The following PCDH15 variants were observed in gnomAD, a reference collection of about 807,000 sequenced individuals.
PCDH15 encodes protocadherin related 15.
A neutral mutation model predicts 178.5 loss-of-function variants in PCDH15; 129 were observed. The ratio of observed to expected loss-of-function variants is 0.72; its 90% CI spans 0.63 to 0.84. The LOEUF (loss-of-function observed/expected upper bound fraction) is 0.84. Among genes scored for constraint, PCDH15 ranks in the 40% least tolerant of loss-of-function variants. PCDH15 has a pLI of 0.00. For synonymous variants in PCDH15, 800 were observed against 732.0 expected, an observed-to-expected ratio of 1.09 and a Z score of -1.50; for missense variants, 2,230 against 2,099.9, an observed-to-expected ratio of 1.06 and a Z score of -1.21.
chr10:54,868,050 T>A (rs1004989104), intron 3 of PCDH15, among the ~76,000 whole-genome samples: 1 of 152,204 alleles, frequency 6.6e-6, no homozygotes, highest in African/African-American at 2.4e-5. Flanking sequence ...TGTACACTTA[T>A]ATAAAAACAT....
At chr10:54,429,801 T>C (rs1956749175) in intron 3 of PCDH15, among the ~76,000 whole-genome samples, 1 of 152,130 alleles carries the variant, frequency 6.6e-6, no homozygotes, top group South Asian at 2.1e-4. Context: ...ATTGTAAATA[T>C]ATGTGTACCC....
intron 2 of PCDH15, among the ~76,000 whole-genome samples, chr10:54,930,440 A>T (rs1837744291): frequency 6.6e-6 from 1 of 151,976 alleles, no homozygotes; most frequent in Non-Finnish European, 1.5e-5. Flanking sequence ...TCCTAAACCC[A>T]CTTATTGTGT....
chr10:55,422,607 A>G (rs932515686), intron 2 of PCDH15, among the ~76,000 whole-genome samples: 1 of 151,880 alleles, frequency 6.6e-6, no homozygotes, highest in African/African-American at 2.4e-5. Context: ...TTAAGTTGTT[A>G]TTAGCAGTTT....
At chr10:55,492,497 G>C (rs916861132) in intron 2 of PCDH15, among the ~76,000 whole-genome samples, 1 of 151,704 alleles carries the variant, frequency 6.6e-6, no homozygotes, top group Non-Finnish European at 1.5e-5. Flanking sequence ...ACACAACACA[G>C]GGTAAACAGA....
chr10:53,888,664 G>GAGATAT (rs71461211), intron 26 of PCDH15, among the ~76,000 whole-genome samples: 1 of 16,986 alleles, frequency 5.9e-5, no homozygotes, highest in Non-Finnish European at 2.4e-4. Context: ...AGTTAAGTTT[G>GAGATAT]ATATATATAT....
At chr10:55,627,368 A>G (rs1306182603) in intron 2 of PCDH15, among the ~76,000 whole-genome samples, 1 of 152,170 alleles carries the variant, frequency 6.6e-6, no homozygotes, top group Non-Finnish European at 1.5e-5. Flanking sequence ...AAAATCTGCA[A>G]GGTATCAACT....
At chr10:54,331,407 G>A (rs537605848) in intron 6 of PCDH15, among the ~76,000 whole-genome samples, 3 of 151,964 alleles carry the variant, frequency 2.0e-5, no homozygotes, top group African/African-American at 7.2e-5. Context: ...GTTCTTGGAT[G>A]CAGTCATTTA....
intron 25 of PCDH15, among the ~76,000 whole-genome samples, chr10:53,907,720 T>A (rs1477863710): frequency 2.0e-5 from 3 of 152,142 alleles, no homozygotes; most frequent in Admixed American, 6.5e-5. Context: ...TGCAATGTTT[T>A]AAAGAAAGAG....
intron 3 of PCDH15, among the ~76,000 whole-genome samples, chr10:54,430,222 A>G (rs1478618855): frequency 2.6e-5 from 4 of 151,624 alleles, no homozygotes; most frequent in Non-Finnish European, 5.9e-5. Flanking sequence ...TGCCCAACTA[A>G]TTTTTGTATT....
chr10:55,500,768 T>C (rs895764539), intron 2 of PCDH15, among the ~76,000 whole-genome samples: 1 of 151,818 alleles, frequency 6.6e-6, no homozygotes, highest in African/African-American at 2.4e-5. Flanking sequence ...TGAGTGCATA[T>C]AAAGTTAGAA....
At chr10:55,232,518 A>G (rs1232655499) in intron 1 of PCDH15, among the ~76,000 whole-genome samples, 1 of 152,134 alleles carries the variant, frequency 6.6e-6, no homozygotes, top group Non-Finnish European at 1.5e-5. Flanking sequence ...TGGAACTTAC[A>G]TCTTTGTACA....
At chr10:55,270,546 A>G (rs1029795596) in intron 1 of PCDH15, among the ~76,000 whole-genome samples, 2 of 152,180 alleles carry the variant, frequency 1.3e-5, no homozygotes, top group Non-Finnish European at 2.9e-5. Context: ...AAAAATGTCC[A>G]CCATCACTAA....
intron 2 of PCDH15, among the ~76,000 whole-genome samples, chr10:55,617,991 C>G (rs1843513195): frequency 6.6e-6 from 1 of 151,956 alleles, no homozygotes; most frequent in Admixed American, 6.6e-5. Context: ...AAATGTAATT[C>G]TAATGAAATC....
At chr10:53,954,531 G>A (rs1220954119) in intron 23 of PCDH15, among the ~76,000 whole-genome samples, 1 of 152,150 alleles carries the variant, frequency 6.6e-6, no homozygotes, top group Non-Finnish European at 1.5e-5. Context: ...CTAGTTTTCA[G>A]CTCATAACTC....
chr10:55,071,605 G>C (rs1050651690), intron 2 of PCDH15, among the ~76,000 whole-genome samples: 1 of 152,014 alleles, frequency 6.6e-6, no homozygotes, highest in Admixed American at 6.6e-5. Context: ...AGCAAGTCCT[G>C]AGTGACCAAC....
At chr10:54,885,242 A>C (rs975500735) in intron 3 of PCDH15, among the ~76,000 whole-genome samples, 5 of 152,094 alleles carry the variant, frequency 3.3e-5, no homozygotes, top group Non-Finnish European at 5.9e-5. Flanking sequence ...GAAAAATTTC[A>C]TATTTGCAAG....
intron 2 of PCDH15, among the ~76,000 whole-genome samples, chr10:55,146,666 A>G (rs561964720): frequency 6.6e-6 from 1 of 152,062 alleles, no homozygotes; most frequent in Admixed American, 6.6e-5. Flanking sequence ...TAATACAGTT[A>G]AAAGTTTACT....
intron 2 of PCDH15, among the ~76,000 whole-genome samples, chr10:55,504,263 C>T (rs1840715552): frequency 6.6e-6 from 1 of 151,274 alleles, no homozygotes; most frequent in South Asian, 2.1e-4. Flanking sequence ...ATAGGAAAAG[C>T]TATGCAAATG....
At chr10:54,062,253 C>CAAAAAAAAA (rs769054605) in intron 18 of PCDH15, among the ~76,000 whole-genome samples, 12 of 75,842 alleles carry the variant, frequency 1.6e-4, no homozygotes, top group South Asian at 4.8e-4. Flanking sequence ...AAAAAAAAAA[C>CAAAAAAAAA]AAAAAACAAC....
Sources: gnomAD v4.1 joint callset for allele counts (sites outside exome capture counted in the v4.1 genomes callset) on GRCh38, gnomAD v4.1.1 for gene constraint, MANE v1.5 for transcripts, NCBI Gene and HGNC (gene_info 2026-07-23, HGNC 2026-07-21) for gene names.